WAS: variants seen among roughly 807,000 people sequenced by gnomAD.
The protein encoded by WAS is actin nucleation-promoting factor WAS.
Under a neutral mutation model 38.9 loss-of-function variants are expected in WAS, and 1 was observed. The ratio of observed to expected loss-of-function variants is 0.03; its 90% CI spans 0.01 to 0.12. The LOEUF (loss-of-function observed/expected upper bound fraction) is 0.12, where lower values mean the gene tolerates loss of function less well. WAS is among the 10% of genes least tolerant of loss of function. WAS has a pLI of 1.00. For synonymous variants in WAS, 182 were observed against 173.6 expected, an observed-to-expected ratio of 1.05 and a Z score of -0.38; for missense variants, 311 against 431.2, an observed-to-expected ratio of 0.72 and a Z score of 2.47.
chrX:48,682,407 A>G (rs1316779232), upstream of WAS, among the ~76,000 whole-genome samples: 1 of 112,029 alleles, frequency 8.9e-6, no homozygotes, highest in Non-Finnish European at 1.9e-5. Context: ...CCTGGCTCGC[A>G]CTCCGGGCAA....
chrX:48,690,050 T>C (rs1203755992), intron 11 of WAS, among the ~76,000 whole-genome samples: 1 of 111,437 alleles, frequency 9.0e-6, no homozygotes, highest in African/African-American at 3.3e-5. Context: ...AAGAACACTA[T>C]TGTTGACAAT....
At chrX:48,683,753 T>C (rs2062409720), upstream of WAS, 1 of 1,116,339 alleles carries the variant, frequency 9.0e-7, no homozygotes, top group African/African-American at 1.8e-5. Context: ...TTGTCCCTTG[T>C]GGTTTTTTGC....
rs1207805593 is a variant in WAS at position 48,689,314 on chromosome X, C to G, written c.1339-6C>G. ...AGCCCTCTGTGCTGATCCCTGCCTG[C>G]TGCAGACCCCTGGGGCCCCAGAGAG... On this transcript the variant is annotated splice_polypyrimidine_tract_variant and splice_region_variant and intron_variant, in intron 10 of 11. Transcript: ENST00000376701. 1.3e-5 allele frequency: 16 copies of G among 1,194,127 alleles called. No homozygotes were observed. Among genetic ancestry groups the G allele is most frequent in the Non-Finnish European group, 1.8e-5 (16 of 885,216 alleles).
chrX:48,689,295 C>T, intron 10 of WAS, 25 bp from the exon 11 acceptor site: 1 of 1,162,638 alleles, frequency 8.6e-7, no homozygotes, highest in Non-Finnish European at 1.2e-6. Context: ...CCTAAGCCCT[C>T]TGTGCTGATC....
At chrX:48,683,740 C>T (rs1292032368), upstream of WAS, 13 of 1,087,259 alleles carry the variant, frequency 1.2e-5, no homozygotes, top group Admixed American at 9.1e-5. Context: ...GGACTTGTTT[C>T]CCTTGTCCCT....
In WAS at chrX:48,688,092, T is replaced by G; in HGVS notation, c.773T>G (p.Phe258Cys). Residue 258 changes from phenylalanine to cysteine, a missense_variant, in exon 8 of 12, where the codon TTT (phenylalanine) becomes TGT (cysteine). Phe to Cys is a radical substitution (Grantham distance 205). Around this residue, in one of 4 missense-constraint regions of WAS, gnomAD observed 74 missense variants for 131.2 expected, o/e 0.56. Coordinates refer to ENST00000376701, the MANE Select transcript of WAS (RefSeq NM_000377.3). ...GTGGGGTGGGACCCCCAGAATGGAT[T>G]TGACGTGAGTAACTTCAGAGTCTCT... ...SHVGWDPQNGFDVNNLDPDLR... is the reference protein window; with the variant it reads ...SHVGWDPQNGCDVNNLDPDLR... The G allele has an allele frequency of 8.3e-7, 1 of 1,205,795 alleles. No homozygotes were observed. Among genetic ancestry groups the G allele is most frequent in the Non-Finnish European group, 1.1e-6 (1 of 892,461 alleles).
chrX:48,684,207 G>C, intron 1 of WAS, 76 bp from the exon 2 acceptor site: 2 of 1,198,075 alleles, frequency 1.7e-6, no homozygotes. Context: ...CATGAGGCAG[G>C]AAGGACCAGG....
Position 48,688,720 on chromosome X carries a change from T to C in WAS, c.992T>C (p.Ile331Thr). Residue 331 changes from isoleucine (I) to threonine (T), a missense_variant, in exon 10 of 12, where the codon ATT (isoleucine) becomes ACT (threonine). Coordinates refer to ENST00000376701, the MANE Select transcript of WAS (RefSeq NM_000377.3). ...RGGNQLPRPP[I>T]VGGNKGRSGP... ...GGGAACCAGCTCCCCCGGCCCCCTA[T>C]TGTGGGGGGTAACAAGGGTCGTTCT... 1.7e-6 allele frequency: 2 copies of C among 1,177,629 alleles called. No homozygotes were observed. Among genetic ancestry groups the C allele is most frequent in the East Asian group, 6.0e-5 (2 of 33,289 alleles).
chrX:48,687,001 G>A, intron 7 of WAS, 46 bp downstream of exon 7: 1 of 1,168,085 alleles, frequency 8.6e-7, no homozygotes, highest in African/African-American at 1.8e-5. Flanking sequence ...GGGGGCAGAG[G>A]GGCACATGAA....
upstream of WAS, among the ~76,000 whole-genome samples, chrX:48,679,425 T>A (rs2062396816): frequency 8.9e-6 from 1 of 112,351 alleles, no homozygotes; most frequent in Non-Finnish European, 1.9e-5. Flanking sequence ...TATACAACTT[T>A]AAAAAATTCA....
In WAS at chrX:48,691,100, C is replaced by A; in HGVS notation, c.1454-7C>A. The stretch of plus-strand genomic sequence containing the variant: ...CCAGGGCATCTTATCTTTCTCTTTC[C>A]CTCCAGACGAAGGGGAGGACCAGGC... On this transcript the variant is annotated splice_polypyrimidine_tract_variant and splice_region_variant and intron_variant, in intron 11 of 11. Transcript: ENST00000376701. 2 of 1,210,127 alleles carry A rather than the reference C, an allele frequency of 1.7e-6. No homozygotes were observed. Among genetic ancestry groups the A allele is most frequent in the Non-Finnish European group, 2.2e-6 (2 of 894,745 alleles).
intron 11 of WAS, chrX:48,689,646 C>T: frequency 2.3e-6 from 1 of 440,292 alleles, no homozygotes; most frequent in Non-Finnish European, 4.0e-6. Flanking sequence ...GTAATATTAA[C>T]ATTAATGCCA....
intron 11 of WAS, 64 bp downstream of exon 11, chrX:48,689,498 C>A: frequency 1.0e-6 from 1 of 956,601 alleles, no homozygotes; most frequent in Non-Finnish European, 1.5e-6. Context: ...TCAAAACAAT[C>A]CCAGCAGTCA....
In WAS at chrX:48,688,754, G is replaced by A. The variant is rs2062428535; in HGVS notation, c.1026G>A (p.Leu342=). 2.0e-5 allele frequency: 23 copies of A among 1,165,616 alleles called. No individual in the cohort carries two copies. The highest frequency in any genetic ancestry group is 2.6e-5 in the Non-Finnish European group (23 of 871,527). Residue 342 remains leucine (L), a synonymous_variant, in exon 10 of 12, where the codon CTG becomes CTA. Coordinates refer to ENST00000376701, the MANE Select transcript of WAS (RefSeq NM_000377.3). The part of the protein sequence containing the change: ...VGGNKGRSGP[L]PPVPLGIAPP... ...GTAACAAGGGTCGTTCTGGTCCACTGCCCCCTGTACCTTTGGGGATTGCCC... is the reference window on the plus strand; with the variant it reads ...GTAACAAGGGTCGTTCTGGTCCACTACCCCCTGTACCTTTGGGGATTGCCC...
chrX:48,677,331 G>A (rs2062393107), intron 1 of WAS, among the ~76,000 whole-genome samples: 1 of 111,175 alleles, frequency 9.0e-6, no homozygotes, highest in African/African-American at 3.3e-5. Context: ...GGAGGAAGGT[G>A]AGGAGGCGCT....
At chrX:48,689,236 G>C in intron 10 of WAS, 84 bp from the exon 11 acceptor site, 2 of 981,845 alleles carry the variant, frequency 2.0e-6, no homozygotes, top group Non-Finnish European at 1.4e-6. Context: ...GAGTGTGTGG[G>C]AGAGAAAATA....
At chrX:48,680,450 G>C (rs2062398545), upstream of WAS, among the ~76,000 whole-genome samples, 1 of 111,105 alleles carries the variant, frequency 9.0e-6, no homozygotes, top group African/African-American at 3.3e-5. Context: ...GGATGAGATA[G>C]GAGGTCAGCA....
Position 48,684,429 on chromosome X carries a change from C to T in WAS, c.273+6C>T, listed in dbSNP as rs1557006365. ...TCCGCCTTTACGGCCTTCAGGTGACCCCCCCACCCCCGACTGGACTTGCAA... is the reference window on the plus strand; with the variant it reads ...TCCGCCTTTACGGCCTTCAGGTGACTCCCCCACCCCCGACTGGACTTGCAA... On this transcript the variant is annotated splice_donor_region_variant and intron_variant, in intron 2 of 11. Coordinates refer to ENST00000376701, the MANE Select transcript of WAS (RefSeq NM_000377.3). 2 of 1,202,976 alleles carry T rather than the reference C, an allele frequency of 1.7e-6. No homozygotes were observed. Among genetic ancestry groups the T allele is most frequent in the Non-Finnish European group, 2.2e-6 (2 of 891,429 alleles).
upstream of WAS, among the ~76,000 whole-genome samples, chrX:48,682,220 G>A (rs2062402537): frequency 8.9e-6 from 1 of 112,427 alleles, no homozygotes. Context: ...AGAACCAGAA[G>A]CAGCCCAAAG....
Sources: gnomAD v4.1 joint callset for allele counts (sites outside exome capture counted in the v4.1 genomes callset) on GRCh38, gnomAD v4.1.1 for gene constraint, gnomAD v4.1.1 regional missense constraint, MANE v1.5 for transcripts, NCBI Gene and HGNC (gene_info 2026-07-23, HGNC 2026-07-21) for gene names.